EPM2A: variants seen among roughly 807,000 people sequenced by gnomAD.
EPM2A encodes the protein laforin.
Under a neutral mutation model 26.5 loss-of-function variants are expected in EPM2A, and 21 were observed. The ratio of observed to expected loss-of-function variants is 0.79; its 90% confidence interval spans 0.56 to 1.14. The LOEUF is 1.14. Ranked by LOEUF, EPM2A falls within the 50% of genes most tolerant of loss-of-function variation. The pLI, the probability that EPM2A is intolerant of heterozygous loss-of-function variation, is 0.00. For missense variants in EPM2A, 458 were observed against 440.8 expected (o/e 1.04, Z -0.35); for synonymous variants, 217 against 177.6 (o/e 1.22, Z -1.76).
At chr6:145,620,643 C>T (rs1775613166), downstream of EPM2A, among the ~76,000 whole-genome samples, 1 of 152,114 alleles carries the variant, frequency 6.6e-6, no homozygotes, top group Non-Finnish European at 1.5e-5. Flanking sequence ...TTGATAAAGT[C>T]TTGATAAGTA....
At chr6:145,720,201 A>C (rs1775878695) in intron 1 of EPM2A, among the ~76,000 whole-genome samples, 1 of 152,180 alleles carries the variant, frequency 6.6e-6, no homozygotes, top group Non-Finnish European at 1.5e-5. Context: ...AAGTCTGTGC[A>C]AAAAAGCATA....
At chr6:145,544,294 G>A (rs1780553340) in intron 2 of EPM2A, among the ~76,000 whole-genome samples, 1 of 152,140 alleles carries the variant, frequency 6.6e-6, no homozygotes, top group African/African-American at 2.4e-5. Context: ...GAGTGAGTCA[G>A]ACTCCACCTG....
intron 2 of EPM2A, among the ~76,000 whole-genome samples, chr6:145,599,382 GT>G (rs919286425): frequency 7.9e-5 from 12 of 151,534 alleles, no homozygotes; most frequent in Middle Eastern, 3.4e-3. Flanking sequence ...ATACTCTAAA[GT>G]TTTTTTTCTT....
At chr6:145,463,607 G>A (rs1170799881) in intron 4 of EPM2A, among the ~76,000 whole-genome samples, 1 of 151,880 alleles carries the variant, frequency 6.6e-6, no homozygotes, top group Non-Finnish European at 1.5e-5. Context: ...GCATATACAT[G>A]ACTGGTATAT....
chr6:145,659,924 A>T (rs772305017), intron 2 of EPM2A, among the ~76,000 whole-genome samples: 35 of 152,076 alleles, frequency 2.3e-4, no homozygotes, highest in Non-Finnish European at 1.8e-4. Flanking sequence ...GCTTTTTTTT[A>T]AAATCCATAA....
intron 4 of EPM2A, among the ~76,000 whole-genome samples, chr6:145,420,460 T>C (rs577524804): frequency 1.3e-5 from 2 of 152,318 alleles, no homozygotes; most frequent in East Asian, 3.9e-4. Context: ...TCATTGCTTT[T>C]TGTATACCTT....
chr6:145,557,799 C>A (rs1331669784), intron 2 of EPM2A, among the ~76,000 whole-genome samples: 1 of 152,048 alleles, frequency 6.6e-6, no homozygotes, highest in African/African-American at 2.4e-5. Flanking sequence ...TTGTTATTAA[C>A]TATAATCATC....
intron 2 of EPM2A, among the ~76,000 whole-genome samples, chr6:145,663,450 G>A (rs1420262557): frequency 6.6e-6 from 1 of 152,244 alleles, no homozygotes; most frequent in Non-Finnish European, 1.5e-5. Context: ...CACCTGGGAA[G>A]CGCAAGGGGT....
chr6:145,615,015 A>T (rs1324634252), intron 2 of EPM2A, among the ~76,000 whole-genome samples: 1 of 152,244 alleles, frequency 6.6e-6, no homozygotes, highest in Non-Finnish European at 1.5e-5. Context: ...TACTTAGTAC[A>T]CACAGCAAGC....
chr6:145,672,780 T>C (rs1466856006), intron 2 of EPM2A, among the ~76,000 whole-genome samples: 4 of 152,222 alleles, frequency 2.6e-5, no homozygotes, highest in African/African-American at 9.6e-5. Context: ...GCCAGCCTCC[T>C]ACACTCAGGT....
At chr6:145,709,872 T>A (rs1038031834) in intron 1 of EPM2A, among the ~76,000 whole-genome samples, 2 of 152,144 alleles carry the variant, frequency 1.3e-5, no homozygotes, top group African/African-American at 4.8e-5. Flanking sequence ...GGGGAAAAGA[T>A]TCCCTATTTA....
At chr6:145,421,760 A>G (rs1001605029) in intron 4 of EPM2A, among the ~76,000 whole-genome samples, 1 of 152,002 alleles carries the variant, frequency 6.6e-6, no homozygotes, top group South Asian at 2.1e-4. Context: ...TGTGTTATCT[A>G]TAAGAGATAT....
exon 5 of EPM2A, chr6:145,383,467 G>A (rs529686292): frequency 6.6e-6 from 1 of 152,356 alleles, no homozygotes; most frequent in Admixed American, 6.5e-5. Flanking sequence ...CATGGTGGAA[G>A]CAAAGGGGAA....
intron 1 of EPM2A, among the ~76,000 whole-genome samples, chr6:145,696,146 G>A (rs1002697723): frequency 1.1e-4 from 16 of 151,948 alleles, no homozygotes; most frequent in African/African-American, 1.4e-4. Flanking sequence ...TTACAAATAC[G>A]TGGAAATTAA....
chr6:145,447,952 A>G (rs928765250), intron 4 of EPM2A, among the ~76,000 whole-genome samples: 14 of 152,118 alleles, frequency 9.2e-5, no homozygotes, highest in African/African-American at 3.1e-4. Flanking sequence ...AAAGACATCA[A>G]ACTGGTAGGA....
intron 2 of EPM2A, among the ~76,000 whole-genome samples, chr6:145,502,996 A>C (rs1779914955): frequency 6.6e-6 from 1 of 152,222 alleles, no homozygotes. Context: ...TTTTAGCTTT[A>C]GCTTTGCCAT....
In EPM2A at chr6:145,585,830, T is replaced by A. The variant is rs191653172; in HGVS notation, c.340+49415A>T. On this transcript the variant is annotated intron_variant, in intron 2 of 3. Coordinates refer to the EPM2A transcript ENST00000450221. ...TGTGTTTAAAATATATTAACCAAAATTGCAGCAGTCTTTAGTTTATGGCTA... is the reference window on the plus strand; with the variant it reads ...TGTGTTTAAAATATATTAACCAAAAATGCAGCAGTCTTTAGTTTATGGCTA... Among the ~76,000 whole-genome samples, 26 of 152,358 alleles carry A rather than the reference T, an allele frequency of 1.7e-4. No individual in the cohort carries two copies. In the East Asian group the frequency reaches 5.0e-3, roughly 29 times the overall value.
rs141860511 is a variant in EPM2A at position 145,409,709 on chromosome 6, A to G, written c.556-25612T>C. 6.5e-4 allele frequency among the ~76,000 whole-genome samples: 99 copies of G among 152,258 alleles called. 1 individual carries two copies. In the East Asian group the frequency reaches 6.6e-3, roughly 10 times the overall value. ...AAGTGGATTGGCTGGGCTTTCATCT[A>G]CTATATGAGCTAGGGGGACTCTGAT... On this transcript the variant is annotated intron_variant, in intron 4 of 4. Coordinates refer to the EPM2A transcript ENST00000638717.
At chr6:145,678,611 A>C (rs975391248) in intron 2 of EPM2A, among the ~76,000 whole-genome samples, 1 of 152,230 alleles carries the variant, frequency 6.6e-6, no homozygotes, top group African/African-American at 2.4e-5. Flanking sequence ...ACACTTCTCA[A>C]AAGGAGACAT....
Sources: allele counts gnomAD v4.1 joint callset (sites outside exome capture counted in the v4.1 genomes callset), GRCh38; gene constraint gnomAD v4.1.1; transcripts MANE v1.5; gene names NCBI Gene and HGNC (gene_info 2026-07-23, HGNC 2026-07-21).